STYK1: variants seen among roughly 807,000 people sequenced by gnomAD.
STYK1 encodes tyrosine-protein kinase STYK1.
Under a neutral mutation model 48.1 loss-of-function variants are expected in STYK1, and 46 were observed. The ratio of observed to expected loss-of-function variants is 0.96; its 90% confidence interval spans 0.75 to 1.22. The LOEUF is 1.22. Ranked by LOEUF, STYK1 falls within the 50% of genes most tolerant of loss-of-function variation. The probability of loss-of-function intolerance (pLI) is 0.00; values close to 1 mark genes in which losing one functional copy is unlikely to be tolerated. For missense variants in STYK1, 527 were observed against 521.1 expected, an observed-to-expected ratio of 1.01 and a Z score of -0.11; for synonymous variants, 188 against 189.0, an observed-to-expected ratio of 0.99 and a Z score of 0.04.
In STYK1 at chr12:10,627,740, A is replaced by T. The variant is rs1483319938; in HGVS notation, c.634-16T>A. 5.6e-6 allele frequency: 9 copies of T among 1,593,822 alleles called. No homozygotes were observed. In the South Asian group the frequency reaches 9.2e-5, roughly 16 times the overall value. On this transcript the variant is annotated splice_polypyrimidine_tract_variant and intron_variant, in intron 6 of 10. Coordinates refer to ENST00000075503, the MANE Select transcript of STYK1 (RefSeq NM_018423.3). ...TCATCACATCCTAAAGAGACAGGGA[A>T]AAAAAGCCATTATATCAAAATAGCA...
intron 1 of STYK1, among the ~76,000 whole-genome samples, chr12:10,644,135 A>T (rs1333345096): frequency 1.3e-5 from 2 of 152,238 alleles, no homozygotes; most frequent in Non-Finnish European, 2.9e-5. Flanking sequence ...CCAAAATGGC[A>T]AAATTAGAGA....
rs1947336261 is a variant in STYK1 at position 10,624,716 on chromosome 12, G to A, written c.861C>T (p.Thr287=). The A allele has an allele frequency of 6.2e-7, 1 of 1,614,148 alleles. No homozygotes were observed. The highest frequency in any genetic ancestry group is 1.1e-5 in the South Asian group (1 of 91,088). Residue 287 remains threonine (T), a synonymous_variant, in exon 8 of 11, where the codon ACC becomes ACT. Coordinates refer to ENST00000075503, the MANE Select transcript of STYK1 (RefSeq NM_018423.3). The part of the protein sequence containing the change: ...YTRGAISSTQ[T]IPLKWLAPER... ...CTGGGGCAAGCCACTTGAGAGGTAT[G>A]GTTTGAGTAGAGGAGATGGCCCCTC...
chr12:10,619,677 G>A lies in STYK1; in HGVS notation c.*467C>T, dbSNP rs2120574586. The A allele has an allele frequency of 4.9e-6, 1 of 202,140 alleles. No individual in the cohort carries two copies. Among genetic ancestry groups the A allele is most frequent in the South Asian group, 1.8e-4 (1 of 5,704 alleles). The allele number at this position is 202,140 out of a possible 1,614,324, so 12.5% of individuals were successfully genotyped here. A position where few individuals can be genotyped will look rare whatever the true frequency, so the allele number is the denominator to read the frequency against. On this transcript the variant is annotated 3_prime_UTR_variant, in exon 11 of 11. Coordinates refer to ENST00000075503, the MANE Select transcript of STYK1 (RefSeq NM_018423.3). ...TTGTGTCCTACCACCTTTTCTTGAA[G>A]GAGGTGTTGGTCCATATCTGTAATC...
rs11268204 is a variant in STYK1, at chr12:10,630,032, G to GGA, written c.452-360_452-359dup. Among the ~76,000 whole-genome samples, 138 of 137,298 alleles carry GGA rather than the reference G, an allele frequency of 1.0e-3. 1 individual carries two copies. Among genetic ancestry groups the GGA allele is most frequent in the African/African-American group, 3.8e-3 (129 of 33,832 alleles). 90.1% of individuals were successfully genotyped at this position (137,298 alleles called of 152,430 possible). ...CCATTACTGGCCCATATCATGAAGA[G>GGA]GAGAGAGAGAGAGAGAGAGAGAGAG... On this transcript the variant is annotated intron_variant, in intron 5 of 10. Coordinates refer to ENST00000075503, the MANE Select transcript of STYK1 (RefSeq NM_018423.3).
At chr12:10,637,702 G>T (rs971086537) in intron 1 of STYK1, among the ~76,000 whole-genome samples, 2 of 152,102 alleles carry the variant, frequency 1.3e-5, no homozygotes, top group Non-Finnish European at 2.9e-5. Context: ...AAGCTAATGT[G>T]GGAAACCTCA....
chr12:10,650,726 C>T (rs1947653501), intron 1 of STYK1, among the ~76,000 whole-genome samples: 1 of 152,208 alleles, frequency 6.6e-6, no homozygotes, highest in Non-Finnish European at 1.5e-5. Flanking sequence ...CAGGGCCGGG[C>T]GCAGTGGCTC....
chr12:10,630,407 A>AAG (rs56866266), intron 5 of STYK1, among the ~76,000 whole-genome samples: 1 of 150,394 alleles, frequency 6.6e-6, no homozygotes, highest in East Asian at 1.9e-4. Flanking sequence ...AAAAGAAAAA[A>AAG]GAAATATAAT....
chr12:10,621,877 T>C lies in STYK1; in HGVS notation c.1063A>G (p.Met355Val), dbSNP rs763531902. The C allele has an allele frequency of 1.9e-6, 3 of 1,613,490 alleles. No individual in the cohort carries two copies. Among genetic ancestry groups the C allele is most frequent in the African/African-American group, 1.3e-5 (1 of 74,896 alleles). ...MKRPSSCTHTMYSIMKSCWRW... is the reference protein window; with the variant it reads ...MKRPSSCTHTVYSIMKSCWRW... ...AGCAGGCCTTTAAAAACCACTTACATGGTATGTGTGCAGCTACTGGGTCTC... is the reference window on the plus strand; with the variant it reads ...AGCAGGCCTTTAAAAACCACTTACACGGTATGTGTGCAGCTACTGGGTCTC... Residue 355 changes from methionine (M) to valine (V), a missense_variant and splice_region_variant, in exon 10 of 11, where the codon ATG becomes GTG. Met to Val is a conservative substitution (Grantham distance 21). Transcript: ENST00000075503.
intron 1 of STYK1, among the ~76,000 whole-genome samples, chr12:10,640,324 A>G (rs1211366439): frequency 6.6e-6 from 1 of 152,124 alleles, no homozygotes; most frequent in Non-Finnish European, 1.5e-5. Context: ...CAGTGAGAGG[A>G]CACAGAGTGC....
Position 10,621,893 on chromosome 12 carries a change from A to G in STYK1, c.1047T>C (p.Ser349=). The part of the protein sequence containing the change: ...LQRRKIMKRP[S]SCTHTMYSIM... ...CCACTTACATGGTATGTGTGCAGCT[A>G]CTGGGTCTCTTCATGATTTTCCTTC... The change falls in exon 10 of 11, where the codon AGT becomes AGC. Residue 349 remains serine, a synonymous_variant. Transcript: ENST00000075503. 6.2e-7 allele frequency: 1 copy of G among 1,613,832 alleles called. No homozygotes were observed. Among genetic ancestry groups the G allele is most frequent in the South Asian group, 1.1e-5 (1 of 91,078 alleles).
intron 10 of STYK1, among the ~76,000 whole-genome samples, chr12:10,621,047 T>C (rs1865899171): frequency 6.6e-6 from 1 of 152,320 alleles, no homozygotes; most frequent in African/African-American, 2.4e-5. Flanking sequence ...TTTAATCTGC[T>C]TGATGCAGTA....
chr12:10,663,598 C>CAAAAAAAAA (rs34019110), intron 1 of STYK1, among the ~76,000 whole-genome samples: 2 of 51,486 alleles, frequency 3.9e-5, no homozygotes, highest in African/African-American at 1.4e-4. Context: ...GACTCTGTCT[C>CAAAAAAAAA]AAAAAAAAAA....
In STYK1 at chr12:10,624,840, T is replaced by A. The variant is rs762970339; in HGVS notation, c.737A>T (p.His246Leu). 6.2e-7 allele frequency: 1 copy of A among 1,614,144 alleles called. No individual in the cohort carries two copies. Among genetic ancestry groups the A allele is most frequent in the South Asian group, 1.1e-5 (1 of 91,090 alleles). The change falls in exon 8 of 11, where the codon CAT becomes CTT. Residue 246 changes from histidine to leucine, a missense_variant. Physicochemically the swap from His to Leu is moderately conservative, Grantham distance 99. Transcript: ENST00000075503. Reference sequence around the variant, plus strand: ...GGCTGCCACATCCCCATGGAACAAATGCTTCTCCTGCAGGAATTCCTGTCA... The same window carrying A: ...GGCTGCCACATCCCCATGGAACAAAAGCTTCTCCTGCAGGAATTCCTGTCA... ...LLALEFLQEK[H>L]LFHGDVAARN... is the part of the protein sequence containing the mutation.
chr12:10,660,744 A>C (rs895399014), intron 1 of STYK1, among the ~76,000 whole-genome samples: 1 of 152,178 alleles, frequency 6.6e-6, no homozygotes, highest in African/African-American at 2.4e-5. Flanking sequence ...ATAATGTATT[A>C]GCGTGCTAAG....
intron 1 of STYK1, among the ~76,000 whole-genome samples, chr12:10,669,154 C>T (rs1053657335): frequency 6.6e-6 from 1 of 152,136 alleles, no homozygotes; most frequent in Non-Finnish European, 1.5e-5. Flanking sequence ...GTAGCTAATT[C>T]ATCTATGAAA....
chr12:10,656,024 T>C (rs575626211), intron 1 of STYK1, among the ~76,000 whole-genome samples: 1 of 152,348 alleles, frequency 6.6e-6, no homozygotes, highest in South Asian at 2.1e-4. Flanking sequence ...GTAGCTCCCA[T>C]AATTCCCATG....
intron 1 of STYK1, among the ~76,000 whole-genome samples, chr12:10,649,986 C>T (rs951962889): frequency 4.0e-5 from 6 of 151,752 alleles, no homozygotes; most frequent in East Asian, 1.9e-4. Flanking sequence ...TGGTGGCGGG[C>T]CCCTGTAGTC....
chr12:10,631,411 C>G (rs948350362), intron 4 of STYK1, 103 bp from the exon 5 acceptor site: 45 of 1,468,154 alleles, frequency 3.1e-5, no homozygotes, highest in Non-Finnish European at 3.9e-5. Context: ...GCAGTTTTCT[C>G]TTTGGCCAAT....
intron 5 of STYK1, among the ~76,000 whole-genome samples, chr12:10,630,290 G>A (rs1033374885): frequency 1.3e-5 from 2 of 148,422 alleles, no homozygotes; most frequent in African/African-American, 4.9e-5. Flanking sequence ...GGAGGCTGAG[G>A]CAGGAGAATC....
Sources: allele counts gnomAD v4.1 joint callset (sites outside exome capture counted in the v4.1 genomes callset), GRCh38; gene constraint gnomAD v4.1.1; transcripts MANE v1.5; gene names NCBI Gene and HGNC (gene_info 2026-07-23, HGNC 2026-07-21).